The following UCHL3 variants were observed in gnomAD, a reference collection of about 807,000 sequenced individuals.
The protein encoded by UCHL3 is ubiquitin C-terminal hydrolase L3, also known as ubiquitin carboxyl-terminal hydrolase isozyme L3.
Under a neutral mutation model 35.8 loss-of-function variants are expected in UCHL3, and 22 were observed. That is an observed-to-expected ratio of 0.61 (90% CI 0.44 to 0.88). UCHL3 has a LOEUF of 0.88. Ranked by LOEUF, UCHL3 falls within the 40% of genes least tolerant of loss-of-function variation. UCHL3 has a pLI of 0.00. For synonymous variants in UCHL3, 90 were observed against 92.8 expected (o/e 0.97, Z 0.17); for missense variants, 229 against 276.9 (o/e 0.83, Z 1.23).
At chr13:75,596,535 A>G (rs2032650449) in intron 7 of UCHL3, among the ~76,000 whole-genome samples, 1 of 152,214 alleles carries the variant, frequency 6.6e-6, no homozygotes, top group Non-Finnish European at 1.5e-5. Flanking sequence ...TAACAGACAC[A>G]TTCTGTTAAC....
intron 8 of UCHL3, among the ~76,000 whole-genome samples, chr13:75,605,500 ACT>A (rs887774050): frequency 2.6e-5 from 4 of 152,014 alleles, no homozygotes; most frequent in Admixed American, 2.6e-4. Flanking sequence ...AGAGGGCAAG[ACT>A]CTGTCTCAAA....
chr13:75,570,256 G>A (rs915856294), intron 6 of UCHL3, among the ~76,000 whole-genome samples: 1 of 149,028 alleles, frequency 6.7e-6, no homozygotes, highest in Admixed American at 6.6e-5. Flanking sequence ...TGTTTTTTTT[G>A]AGACAGAGTC....
At chr13:75,585,068 T>G in intron 6 of UCHL3, among the ~76,000 whole-genome samples, 5 of 141,110 alleles carry the variant, frequency 3.5e-5, no homozygotes, top group Admixed American at 1.5e-4. Context: ...GGGGTGGGAG[T>G]GGGTGAGGGG....
chr13:75,574,003 G>A (rs2031944258), intron 6 of UCHL3, among the ~76,000 whole-genome samples: 1 of 152,146 alleles, frequency 6.6e-6, no homozygotes, highest in Admixed American at 6.5e-5. Context: ...AGATCACAAG[G>A]TCAGGAGATC....
chr13:75,581,750 A>G (rs1037558975), intron 6 of UCHL3, among the ~76,000 whole-genome samples: 2 of 151,322 alleles, frequency 1.3e-5, no homozygotes, highest in Admixed American at 6.6e-5. Context: ...CAGCATTTCA[A>G]ATACGTTGGT....
At chr13:75,569,565 G>A in intron 6 of UCHL3, 58 bp downstream of exon 6, 3 of 1,483,302 alleles carry the variant, frequency 2.0e-6, no homozygotes, top group Non-Finnish European at 2.8e-6. Context: ...TAAATTTCTT[G>A]CTGTAAATTT....
chr13:75,574,215 C>T (rs1402220067), intron 6 of UCHL3, among the ~76,000 whole-genome samples: 3 of 149,836 alleles, frequency 2.0e-5, no homozygotes, highest in Non-Finnish European at 3.0e-5. Context: ...GAGACTCCAT[C>T]TCAAAAAAAA....
intron 6 of UCHL3, among the ~76,000 whole-genome samples, chr13:75,588,001 C>A (rs945407999): frequency 1.3e-5 from 2 of 152,118 alleles, no homozygotes; most frequent in African/African-American, 4.8e-5. Context: ...GATGATCATG[C>A]TCCTTGCTGT....
intron 2 of UCHL3, among the ~76,000 whole-genome samples, chr13:75,559,950 A>T (rs992348755): frequency 1.3e-5 from 2 of 152,038 alleles, no homozygotes; most frequent in African/African-American, 4.8e-5. Context: ...CTGACATTTT[A>T]TTTTCCTGTG....
At chr13:75,604,297 G>T (rs897844481) in intron 7 of UCHL3, among the ~76,000 whole-genome samples, 8 of 152,048 alleles carry the variant, frequency 5.3e-5, no homozygotes, top group African/African-American at 7.2e-5. Flanking sequence ...GGGTTATTTG[G>T]ATTATTCCTC....
In UCHL3 at chr13:75,592,446, A is replaced by ATATATATATGTATATATG. The variant is rs2032523471; in HGVS notation, c.475-2460_475-2459insGTATATATGTATATATAT. 4.2e-4 allele frequency among the ~76,000 whole-genome samples: 30 copies of ATATATATATGTATATATG among 71,082 alleles called. 3 individuals are homozygous for ATATATATATGTATATATG. In the East Asian group the frequency reaches 0.012, roughly 28 times the overall value. 46.6% of individuals were successfully genotyped at this position (71,082 alleles called of 152,430 possible). On this transcript the variant is annotated intron_variant, in intron 6 of 8. Transcript: ENST00000377595. The stretch of plus-strand genomic sequence containing the variant: ...TATATATATATATATATATATATAT[A>ATATATATATGTATATATG]TATATATATATATATATATATGAAG...
At chr13:75,580,385 CAT>C (rs1453617949) in intron 6 of UCHL3, among the ~76,000 whole-genome samples, 1 of 152,184 alleles carries the variant, frequency 6.6e-6, no homozygotes, top group Non-Finnish European at 1.5e-5. Flanking sequence ...ATTTTAAACT[CAT>C]AAAGTTATAC....
intron 6 of UCHL3, chr13:75,589,843 T>C: frequency 1.0e-6 from 1 of 970,828 alleles, no homozygotes; most frequent in Non-Finnish European, 1.4e-6. Context: ...TAGTAGACCA[T>C]ATGAATTACA....
intron 6 of UCHL3, among the ~76,000 whole-genome samples, chr13:75,571,163 C>A (rs540729507): frequency 8.5e-5 from 13 of 152,156 alleles, no homozygotes; most frequent in African/African-American, 3.1e-4. Flanking sequence ...TGAGGATCAG[C>A]GTAAGTTTAT....
chr13:75,584,377 G>T (rs1379655705), intron 6 of UCHL3, among the ~76,000 whole-genome samples: 1 of 152,076 alleles, frequency 6.6e-6, no homozygotes, highest in East Asian at 1.9e-4. Flanking sequence ...CATTGAAAAA[G>T]AAAACATCCT....
intron 6 of UCHL3, among the ~76,000 whole-genome samples, chr13:75,588,403 C>T (rs1225994357): frequency 1.3e-5 from 2 of 151,932 alleles, no homozygotes; most frequent in African/African-American, 4.8e-5. Flanking sequence ...CTATTCTTTC[C>T]TTCTCTCTTT....
chr13:75,581,299 A>G (rs1055148716), intron 6 of UCHL3, among the ~76,000 whole-genome samples: 7 of 151,872 alleles, frequency 4.6e-5, no homozygotes, highest in African/African-American at 1.7e-4. Context: ...TTTTAACATA[A>G]TTTAGATTTA....
intron 6 of UCHL3, among the ~76,000 whole-genome samples, chr13:75,571,830 A>C (rs1340157682): frequency 6.6e-6 from 1 of 152,162 alleles, no homozygotes; most frequent in Non-Finnish European, 1.5e-5. Flanking sequence ...GTTTAGAAAC[A>C]CTACTGGAGT....
chr13:75,553,478 C>T (rs2031185416), intron 2 of UCHL3, among the ~76,000 whole-genome samples: 1 of 152,166 alleles, frequency 6.6e-6, no homozygotes, highest in African/African-American at 2.4e-5. Flanking sequence ...GAAACATTAT[C>T]TTTTCTTGGC....
Sources: gnomAD v4.1 joint callset for allele counts (sites outside exome capture counted in the v4.1 genomes callset) on GRCh38, gnomAD v4.1.1 for gene constraint, MANE v1.5 for transcripts, NCBI Gene and HGNC (gene_info 2026-07-23, HGNC 2026-07-21) for gene names.